Variants in PARN observed in about 807,000 individuals in gnomAD.
The protein encoded by PARN is poly(A)-specific ribonuclease, also known as poly(A)-specific ribonuclease PARN.
In PARN, 71 loss-of-function variants were observed where a neutral mutation model predicts 102.8. The observed-to-expected ratio is 0.69, with a 90% CI of 0.57 to 0.84. The LOEUF (loss-of-function observed/expected upper bound fraction) is 0.84, where lower values mean the gene tolerates loss of function less well. PARN is among the 40% of genes least tolerant of loss of function. PARN has a pLI of 0.00. For missense variants in PARN, 782 were observed against 760.9 expected (o/e 1.03, Z -0.33); for synonymous variants, 261 against 252.9 (o/e 1.03, Z -0.30).
intron 21 of PARN, among the ~76,000 whole-genome samples, chr16:14,488,619 C>G (rs147617909): frequency 1.3e-5 from 2 of 152,270 alleles, no homozygotes; most frequent in African/African-American, 4.8e-5. Flanking sequence ...TGGACATATG[C>G]AGAGATGCTC....
chr16:14,580,793 A>G (rs1969483952), intron 18 of PARN, 81 bp downstream of exon 18: 6 of 772,436 alleles, frequency 7.8e-6, no homozygotes, highest in Non-Finnish European at 1.1e-5. Context: ...ATAGCTCCCA[A>G]TAACTCCAAA....
chr16:14,522,130 T>C (rs1246948973), intron 21 of PARN, among the ~76,000 whole-genome samples: 2 of 152,180 alleles, frequency 1.3e-5, no homozygotes, highest in East Asian at 3.9e-4. Flanking sequence ...CTTATGACTG[T>C]ATTACTAAGG....
intron 13 of PARN, among the ~76,000 whole-genome samples, chr16:14,590,400 G>A (rs544371468): frequency 4.6e-5 from 7 of 151,066 alleles, no homozygotes; most frequent in Non-Finnish European, 8.9e-5. Context: ...TTTGGGAGGC[G>A]GAGGCGGGTG....
At chr16:14,442,389 T>G (rs576104784) in intron 23 of PARN, among the ~76,000 whole-genome samples, 4 of 152,306 alleles carry the variant, frequency 2.6e-5, no homozygotes, top group Admixed American at 1.3e-4. Context: ...ACCGAGTATG[T>G]ACCTAGAACT....
At chr16:14,601,103 T>C (rs1035140573) in intron 11 of PARN, among the ~76,000 whole-genome samples, 2 of 152,142 alleles carry the variant, frequency 1.3e-5, no homozygotes, top group Non-Finnish European at 2.9e-5. Context: ...TACCCAGCAA[T>C]TCCATTTCTG....
chr16:14,573,858 T>C (rs1176791483), intron 18 of PARN, among the ~76,000 whole-genome samples: 3 of 152,222 alleles, frequency 2.0e-5, no homozygotes, highest in African/African-American at 7.2e-5. Context: ...GAACTGTAAG[T>C]CCAATAAACC....
chr16:14,442,448 A>G lies in PARN; in HGVS notation c.1864+4440T>C, dbSNP rs140196657. 9.5e-3 allele frequency among the ~76,000 whole-genome samples: 1,445 copies of G among 152,286 alleles called. 28 individuals are homozygous for G. Among genetic ancestry groups the G allele is most frequent in the African/African-American group, 0.033 (1,352 of 41,548 alleles). ...CTACCAATCAACAGTCATATCAACA[A>G]AAAAGGAGGGGACTTATGCTGTACA... On this transcript the variant is annotated intron_variant, in intron 23 of 23. Coordinates refer to ENST00000437198, the MANE Select transcript of PARN (RefSeq NM_002582.4).
At chr16:14,557,311 G>A (rs1356539417) in intron 18 of PARN, among the ~76,000 whole-genome samples, 2 of 150,772 alleles carry the variant, frequency 1.3e-5, no homozygotes. Context: ...TGTAATCCCA[G>A]CACTTTGGGA....
chr16:14,473,390 AT>A (rs1962859098), intron 22 of PARN, among the ~76,000 whole-genome samples: 1 of 152,216 alleles, frequency 6.6e-6, no homozygotes, highest in Admixed American at 6.5e-5. Flanking sequence ...CTCTGCCCAA[AT>A]ATAAGAGAGA....
At chr16:14,541,532 G>C (rs1004493799) in intron 21 of PARN, among the ~76,000 whole-genome samples, 22 of 152,140 alleles carry the variant, frequency 1.4e-4, no homozygotes, top group African/African-American at 5.3e-4. Flanking sequence ...CTGGAGTGCA[G>C]TGGTGTGATC....
chr16:14,455,786 C>A (rs911613815), intron 22 of PARN, among the ~76,000 whole-genome samples: 4 of 152,062 alleles, frequency 2.6e-5, no homozygotes, highest in Non-Finnish European at 4.4e-5. Flanking sequence ...TGGAATGTGA[C>A]CCCTTCTCTC....
intron 11 of PARN, among the ~76,000 whole-genome samples, chr16:14,602,762 G>T (rs1970953539): frequency 6.6e-6 from 1 of 152,132 alleles, no homozygotes. Flanking sequence ...AGGCTGTCAT[G>T]AAACAGTTCC....
chr16:14,446,804 C>T (rs1961219048), intron 23 of PARN, 84 bp downstream of exon 23: 3 of 925,594 alleles, frequency 3.2e-6, no homozygotes, highest in African/African-American at 3.4e-5. Flanking sequence ...TGAAGCCTTG[C>T]TATAATTTCT....
intron 21 of PARN, among the ~76,000 whole-genome samples, chr16:14,497,160 C>T (rs1964356890): frequency 6.6e-6 from 1 of 152,054 alleles, no homozygotes; most frequent in Admixed American, 6.5e-5. Context: ...TCGACTTTCT[C>T]CCCTCTTTTT....
rs76963137 is a variant in PARN, at chr16:14,611,975, C to T, written c.389-1166G>A. Among the ~76,000 whole-genome samples, 67 of 152,330 alleles carry T rather than the reference C, an allele frequency of 4.4e-4. 1 individual carries two copies. In the East Asian group the frequency reaches 0.013, roughly 29 times the overall value. On this transcript the variant is annotated intron_variant, in intron 6 of 23. Coordinates refer to ENST00000437198, the MANE Select transcript of PARN (RefSeq NM_002582.4). Reference sequence around the variant, plus strand: ...ACAAAATGTACATGTACGGGCATAGCTGTAGTCCAACAAATCTTATTTACA... The same window carrying T: ...ACAAAATGTACATGTACGGGCATAGTTGTAGTCCAACAAATCTTATTTACA...
intron 12 of PARN, among the ~76,000 whole-genome samples, chr16:14,598,811 G>A (rs1426613224): frequency 6.6e-6 from 1 of 152,162 alleles, no homozygotes; most frequent in Admixed American, 6.5e-5. Flanking sequence ...AGCTGGCAGT[G>A]AGACAGCATG....
At chr16:14,582,150 C>A (rs769233539) in intron 17 of PARN, 31 bp downstream of exon 17, 4 of 1,325,302 alleles carry the variant, frequency 3.0e-6, no homozygotes, top group African/African-American at 2.9e-5. Flanking sequence ...TAGATCACTG[C>A]GTGTTTGACT....
intron 21 of PARN, among the ~76,000 whole-genome samples, chr16:14,521,715 T>C (rs1157700031): frequency 3.3e-5 from 5 of 151,892 alleles, no homozygotes; most frequent in African/African-American, 9.7e-5. Flanking sequence ...GGCAGGAGAA[T>C]TGCTTGAACC....
At chr16:14,577,658 C>T (rs1371311681) in intron 18 of PARN, among the ~76,000 whole-genome samples, 2 of 151,908 alleles carry the variant, frequency 1.3e-5, no homozygotes, top group African/African-American at 4.8e-5. Context: ...TACTTACTTA[C>T]TTACTTACAT....
Sources: allele counts gnomAD v4.1 joint callset (sites outside exome capture counted in the v4.1 genomes callset), GRCh38; gene constraint gnomAD v4.1.1; transcripts MANE v1.5; gene names NCBI Gene and HGNC (gene_info 2026-07-23, HGNC 2026-07-21).